The following PTPRN2 variants were observed in gnomAD, a reference collection of about 807,000 sequenced individuals.
PTPRN2 encodes the protein receptor-type tyrosine-protein phosphatase N2.
In PTPRN2, 74 loss-of-function variants were observed where a neutral mutation model predicts 118.8. The ratio of observed to expected loss-of-function variants is 0.62; its 90% confidence interval spans 0.52 to 0.76. The LOEUF (loss-of-function observed/expected upper bound fraction) is 0.76. Among genes scored for constraint, PTPRN2 ranks in the 30% least tolerant of loss-of-function variants. The pLI is 0.00. For missense variants in PTPRN2, 1,481 were observed against 1,394.4 expected, an observed-to-expected ratio of 1.06 and a Z score of -0.99; for synonymous variants, 641 against 608.0, an observed-to-expected ratio of 1.05 and a Z score of -0.80.
intron 2 of PTPRN2, among the ~76,000 whole-genome samples, chr7:158,387,096 C>A (rs1811446644): frequency 6.6e-6 from 1 of 152,116 alleles, no homozygotes; most frequent in Non-Finnish European, 1.5e-5. Context: ...AGGCTCTGCC[C>A]AAATGCCTCT....
intron 12 of PTPRN2, among the ~76,000 whole-genome samples, chr7:157,701,186 G>A (rs910123029): frequency 6.6e-6 from 1 of 152,082 alleles, no homozygotes; most frequent in African/African-American, 2.4e-5. Context: ...TGAAGTATCC[G>A]AAGCTGGTCA....
At chr7:158,016,970 C>T (rs1033437571) in intron 11 of PTPRN2, among the ~76,000 whole-genome samples, 6 of 152,308 alleles carry the variant, frequency 3.9e-5, no homozygotes, top group Admixed American at 6.5e-5. Context: ...CAGCCCCACA[C>T]ATCCTTGCAG....
In PTPRN2 at chr7:158,544,282, G is replaced by T. The variant is rs958290975; in HGVS notation, c.112+43276C>A. The stretch of plus-strand genomic sequence containing the variant: ...CAAGCGTATCCAGCCCACAGGCCAC[G>T]GCCCACGAGATGGCTCTGAATGTGG... On this transcript the variant is annotated intron_variant, in intron 1 of 22. Coordinates refer to ENST00000389418, the MANE Select transcript of PTPRN2 (RefSeq NM_002847.5). This position sits in a 1 kb window ranked among gnomAD's most constrained non-coding sequence, Gnocchi z 4.2. Among the ~76,000 whole-genome samples, 1 of 151,904 alleles carries T rather than the reference G, an allele frequency of 6.6e-6. No homozygotes were observed. Among genetic ancestry groups the T allele is most frequent in the Non-Finnish European group, 1.5e-5 (1 of 68,002 alleles).
At chr7:157,568,513 G>A (rs1799597714) in intron 21 of PTPRN2, among the ~76,000 whole-genome samples, 1 of 152,162 alleles carries the variant, frequency 6.6e-6, no homozygotes, top group South Asian at 2.1e-4. Context: ...ATACTGGAGC[G>A]GCATTCTGCA....
chr7:158,506,331 G>A lies in PTPRN2; in HGVS notation c.113-16546C>T, dbSNP rs112362360. The stretch of plus-strand genomic sequence containing the variant: ...TCATGAAGAACATGGCCAAGGCTGC[G>A]GGCTCCACAGTGAGGCTGAGGATTG... On this transcript the variant is annotated intron_variant, in intron 1 of 22. Coordinates refer to ENST00000389418, the MANE Select transcript of PTPRN2 (RefSeq NM_002847.5). Among the ~76,000 whole-genome samples, 1,267 of 152,214 alleles carry A rather than the reference G, an allele frequency of 8.3e-3. 14 individuals are homozygous for A. Among genetic ancestry groups the A allele is most frequent in the African/African-American group, 0.029 (1,208 of 41,536 alleles).
At chr7:157,865,224 G>A (rs886852751) in intron 12 of PTPRN2, 1 of 152,332 alleles carries the variant, frequency 6.6e-6, no homozygotes, top group African/African-American at 2.4e-5. Flanking sequence ...GGCCCCTGAG[G>A]GGCTGCAGGT....
chr7:158,224,141 G>A (rs1210286598), intron 3 of PTPRN2, among the ~76,000 whole-genome samples: 1 of 152,160 alleles, frequency 6.6e-6, no homozygotes, highest in Non-Finnish European at 1.5e-5. Flanking sequence ...TACCATGTTG[G>A]TAGATCAGAA....
rs142931323 is a variant in PTPRN2 at position 157,737,553 on chromosome 7, G to T, written c.1789-54616C>A. On this transcript the variant is annotated intron_variant, in intron 12 of 22. Transcript: ENST00000389418. Reference sequence around the variant, plus strand: ...CCTGGTTATCCCCTGAGGCGAGGACGCAGCAGCAAGTTCCCATCCCCTGGC... The same window carrying T: ...CCTGGTTATCCCCTGAGGCGAGGACTCAGCAGCAAGTTCCCATCCCCTGGC... Among the ~76,000 whole-genome samples, 256 of 152,364 alleles carry T rather than the reference G, an allele frequency of 1.7e-3. 1 individual carries two copies. The highest frequency in any genetic ancestry group is 6.1e-3 in the African/African-American group (252 of 41,596).
Position 157,874,788 on chromosome 7 carries a change from TACACATATACACACAGAGACAC to T in PTPRN2, c.1788+23863_1788+23884del, listed in dbSNP as rs1265956590. 1.0e-3 allele frequency among the ~76,000 whole-genome samples: 134 copies of T among 128,770 alleles called. No individual in the cohort carries two copies. The Middle Eastern group carries it at 0.016, about 15-fold the overall frequency. The allele number at this position is 128,770 out of a possible 152,430, so 84.5% of individuals were successfully genotyped here. A position where few individuals can be genotyped will look rare whatever the true frequency, so the allele number is the denominator to read the frequency against. On this transcript the variant is annotated intron_variant, in intron 12 of 22. Coordinates refer to ENST00000389418, the MANE Select transcript of PTPRN2 (RefSeq NM_002847.5). The surrounding 1 kb of genome is among the most constrained non-coding windows in gnomAD (Gnocchi z 5.8). ...ATGCACACACACACGAACACACTCA[TACACATATACACACAGAGACAC>T]ACTCATGGACACACACAGAGACACA...
intron 2 of PTPRN2, among the ~76,000 whole-genome samples, chr7:158,332,133 C>T (rs4909183): frequency 0.96 from 138,415 of 144,078 alleles, 66,530 homozygotes; most frequent in African/African-American, 0.98. Flanking sequence ...ACCCATACTC[C>T]CACCATAAGA....
chr7:158,452,922 T>C (rs907503018), intron 2 of PTPRN2, among the ~76,000 whole-genome samples: 1 of 152,204 alleles, frequency 6.6e-6, no homozygotes, highest in Non-Finnish European at 1.5e-5. Context: ...AGGGCCCCAC[T>C]CGGCTTGTCT....
In PTPRN2 at chr7:157,783,144, G is replaced by C. The variant is rs7777747; in HGVS notation, c.1789-100207C>G. On this transcript the variant is annotated intron_variant, in intron 12 of 22. Transcript: ENST00000389418. ...GAAGAACATGTTTGCTTCCCCTTCT[G>C]CTGTGATTGTAAGTTTCCTGAGGCC... 4.5e-3 allele frequency among the ~76,000 whole-genome samples: 683 copies of C among 152,262 alleles called. 4 individuals are homozygous for C. The highest frequency in any genetic ancestry group is 0.016 in the African/African-American group (653 of 41,538).
At chr7:158,149,915 T>C (rs968023412) in intron 6 of PTPRN2, among the ~76,000 whole-genome samples, 2 of 152,040 alleles carry the variant, frequency 1.3e-5, no homozygotes, top group African/African-American at 4.8e-5. Context: ...GAATATATTT[T>C]AAATTTAATA....
At chr7:157,770,125 A>C (rs1213961084) in intron 12 of PTPRN2, among the ~76,000 whole-genome samples, 1 of 152,166 alleles carries the variant, frequency 6.6e-6, no homozygotes, top group African/African-American at 2.4e-5. Flanking sequence ...CTGCTTCTAG[A>C]ACACTGCTCT....
At chr7:157,816,645 C>T (rs983085281) in intron 12 of PTPRN2, among the ~76,000 whole-genome samples, 1 of 152,234 alleles carries the variant, frequency 6.6e-6, no homozygotes, top group African/African-American at 2.4e-5. Flanking sequence ...CCGCAGTCTA[C>T]AGGCCTCTGG....
intron 11 of PTPRN2, among the ~76,000 whole-genome samples, chr7:158,070,803 C>T (rs1356365873): frequency 1.7e-4 from 16 of 95,972 alleles, no homozygotes; most frequent in African/African-American, 2.1e-4. Context: ...TGGAGGTGCC[C>T]GTGGTGGTGA....
intron 6 of PTPRN2, among the ~76,000 whole-genome samples, chr7:158,165,194 G>C (rs1822843250): frequency 1.0e-5 from 1 of 97,676 alleles, no homozygotes. Flanking sequence ...AAGTGCAGGA[G>C]GCAGTGAAGA....
chr7:158,160,500 A>G (rs1340864507), intron 6 of PTPRN2, among the ~76,000 whole-genome samples: 3 of 152,172 alleles, frequency 2.0e-5, no homozygotes, highest in Non-Finnish European at 2.9e-5. Flanking sequence ...CTGGTTCTCA[A>G]TGCAAAAACA....
intron 11 of PTPRN2, among the ~76,000 whole-genome samples, chr7:158,040,731 T>C (rs1563353031): frequency 5.7e-5 from 6 of 104,860 alleles, no homozygotes; most frequent in Middle Eastern, 4.3e-3. Context: ...TTTCTTTTTT[T>C]CTTTCTTTTT....
Sources: gnomAD v4.1 joint callset for allele counts (sites outside exome capture counted in the v4.1 genomes callset) on GRCh38, gnomAD v4.1.1 for gene constraint, Gnocchi (gnomAD v3.1) non-coding constraint, MANE v1.5 for transcripts, NCBI Gene and HGNC (gene_info 2026-07-23, HGNC 2026-07-21) for gene names.